SNX29: variants seen among roughly 807,000 people sequenced by gnomAD.
SNX29 encodes sorting nexin 29.
Under a neutral mutation model 102.1 loss-of-function variants are expected in SNX29, and 78 were observed. That is an observed-to-expected ratio of 0.76 (90% CI 0.64 to 0.92). The LOEUF (loss-of-function observed/expected upper bound fraction) is 0.92. Among genes scored for constraint, SNX29 ranks in the 40% least tolerant of loss-of-function variants. The pLI, the probability that SNX29 is intolerant of heterozygous loss-of-function variation, is 0.00. For missense variants in SNX29, 1,280 were observed against 1,061.7 expected, an observed-to-expected ratio of 1.21 and a Z score of -2.86; for synonymous variants, 580 against 414.5, an observed-to-expected ratio of 1.40 and a Z score of -4.85.
At chr16:12,443,602 C>T (rs560651836) in intron 18 of SNX29, among the ~76,000 whole-genome samples, 13 of 152,316 alleles carry the variant, frequency 8.5e-5, no homozygotes, top group South Asian at 2.1e-4. Flanking sequence ...AGACATGGAC[C>T]GCCATGACTG....
At chr16:12,536,727 C>G (rs2077094669) in intron 20 of SNX29, among the ~76,000 whole-genome samples, 1 of 152,186 alleles carries the variant, frequency 6.6e-6, no homozygotes, top group African/African-American at 2.4e-5. Flanking sequence ...CCTGTAATCT[C>G]AACACTTTGG....
rs149562417 is a variant in SNX29 at position 12,521,696 on chromosome 16, C to T, written c.2179-3006C>T. On this transcript the variant is annotated intron_variant, in intron 19 of 20. Coordinates refer to ENST00000566228, the MANE Select transcript of SNX29 (RefSeq NM_032167.5). The stretch of plus-strand genomic sequence containing the variant: ...ATTAAAAACTAGGCTTCATGAGCTC[C>T]GTTGGGCACTAGCCAGGCATCTTAA... 4.7e-4 allele frequency among the ~76,000 whole-genome samples: 72 copies of T among 152,246 alleles called. No individual in the cohort carries two copies. The South Asian group carries it at 0.011, about 23-fold the overall frequency.
chr16:12,467,590 T>A (rs1389777610), intron 18 of SNX29, among the ~76,000 whole-genome samples: 1 of 151,206 alleles, frequency 6.6e-6, no homozygotes, highest in Non-Finnish European at 1.5e-5. Context: ...TCTGACCTGT[T>A]CGTTCATTCG....
intron 14 of SNX29, among the ~76,000 whole-genome samples, chr16:12,227,090 G>C (rs1043293536): frequency 5.3e-5 from 8 of 152,094 alleles, no homozygotes; most frequent in African/African-American, 1.9e-4. Context: ...CTCCCTGTTG[G>C]GGCTTTTGTA....
intron 11 of SNX29, among the ~76,000 whole-genome samples, chr16:12,105,473 C>T (rs1215084669): frequency 6.6e-6 from 1 of 152,030 alleles, no homozygotes; most frequent in Non-Finnish European, 1.5e-5. Flanking sequence ...CTGCCTATTT[C>T]AGCCTCCCAA....
At chr16:12,503,722 C>G (rs1026309629) in intron 19 of SNX29, among the ~76,000 whole-genome samples, 16 of 152,130 alleles carry the variant, frequency 1.1e-4, no homozygotes, top group African/African-American at 3.6e-4. Flanking sequence ...GTAGGATTCA[C>G]TGTCAGAGAG....
chr16:12,527,442 C>G (rs1439262678), intron 20 of SNX29: 1 of 432,346 alleles, frequency 2.3e-6, no homozygotes, highest in East Asian at 4.1e-5. Flanking sequence ...AGATTTTCTC[C>G]TTGGTTCTTT....
intron 15 of SNX29, among the ~76,000 whole-genome samples, chr16:12,316,823 C>T (rs776670483): frequency 2.0e-5 from 3 of 152,148 alleles, no homozygotes; most frequent in Non-Finnish European, 4.4e-5. Flanking sequence ...CAGGTTGCTG[C>T]ACAGTGATCC....
chr16:12,497,025 C>G (rs1468095757), intron 19 of SNX29, among the ~76,000 whole-genome samples: 1 of 152,078 alleles, frequency 6.6e-6, no homozygotes. Flanking sequence ...TGGGTGAAGC[C>G]CAAGTGAACA....
intron 16 of SNX29, among the ~76,000 whole-genome samples, chr16:12,395,407 C>A (rs1034087702): frequency 1.3e-5 from 2 of 152,246 alleles, no homozygotes; most frequent in African/African-American, 2.4e-5. Flanking sequence ...GTGGATTCCC[C>A]GTTGGTCTCA....
intron 20 of SNX29, among the ~76,000 whole-genome samples, chr16:12,540,767 C>T (rs2077297689): frequency 6.6e-6 from 1 of 152,202 alleles, no homozygotes; most frequent in Non-Finnish European, 1.5e-5. Flanking sequence ...CCGCCACCTC[C>T]CCTAGAGTGT....
chr16:12,234,424 G>A (rs1224289782), intron 14 of SNX29, among the ~76,000 whole-genome samples: 1 of 151,792 alleles, frequency 6.6e-6, no homozygotes. Flanking sequence ...CTTTTTTATT[G>A]TTGAGTTGTA....
intron 1 of SNX29, among the ~76,000 whole-genome samples, chr16:11,989,408 C>G (rs2055756497): frequency 6.6e-6 from 1 of 152,212 alleles, no homozygotes. Context: ...TGTGTGCTGG[C>G]AGACAGTCTG....
intron 13 of SNX29, among the ~76,000 whole-genome samples, chr16:12,141,057 T>C (rs1416679454): frequency 6.6e-6 from 1 of 152,248 alleles, no homozygotes; most frequent in African/African-American, 2.4e-5. Context: ...GCTAAGTGCT[T>C]GCACCTCCTT....
chr16:12,343,004 A>G (rs2081660076), intron 15 of SNX29, among the ~76,000 whole-genome samples: 1 of 152,252 alleles, frequency 6.6e-6, no homozygotes, highest in Non-Finnish European at 1.5e-5. Context: ...CTCTCAAAGG[A>G]AAACAACATT....
chr16:12,258,994 G>T (rs1336125835), intron 14 of SNX29, among the ~76,000 whole-genome samples: 2 of 152,166 alleles, frequency 1.3e-5, no homozygotes, highest in Non-Finnish European at 2.9e-5. Context: ...TGTTCCATCA[G>T]CAGACAGAGA....
intron 14 of SNX29, among the ~76,000 whole-genome samples, chr16:12,217,141 A>G (rs1023412197): frequency 2.6e-5 from 4 of 152,158 alleles, no homozygotes; most frequent in Admixed American, 2.6e-4. Context: ...TGATTCTCCC[A>G]TCTCAGCCTC....
At chr16:12,283,298 C>A (rs529848353) in intron 15 of SNX29, among the ~76,000 whole-genome samples, 20 of 151,846 alleles carry the variant, frequency 1.3e-4, no homozygotes, top group African/African-American at 4.8e-4. Context: ...CATTGACTAC[C>A]CTAGATGGAG....
At chr16:12,305,202 G>A (rs780578225) in intron 15 of SNX29, among the ~76,000 whole-genome samples, 5 of 152,342 alleles carry the variant, frequency 3.3e-5, no homozygotes, top group Non-Finnish European at 5.9e-5. Context: ...CCCCTCATAT[G>A]AGCAGTTCAT....
Sources: gnomAD v4.1 joint callset for allele counts (sites outside exome capture counted in the v4.1 genomes callset) on GRCh38, gnomAD v4.1.1 for gene constraint, MANE v1.5 for transcripts, NCBI Gene and HGNC (gene_info 2026-07-23, HGNC 2026-07-21) for gene names.